Variants in PRKAR2A observed in about 807,000 individuals in gnomAD.
The protein encoded by PRKAR2A is protein kinase cAMP-dependent type II regulatory subunit alpha, also known as cAMP-dependent protein kinase type II-alpha regulatory subunit.
In PRKAR2A, 29 loss-of-function variants were observed where a neutral mutation model predicts 51.9. The ratio of observed to expected loss-of-function variants is 0.56; its 90% CI spans 0.42 to 0.76. The LOEUF is 0.76. PRKAR2A is among the 30% of genes least tolerant of loss of function. The probability of loss-of-function intolerance (pLI) is 0.00; values close to 1 mark genes in which losing one functional copy is unlikely to be tolerated. For synonymous variants in PRKAR2A, 178 were observed against 186.2 expected (o/e 0.96, Z 0.36); for missense variants, 445 against 512.1 (o/e 0.87, Z 1.26).
chr3:48,839,534 T>G (rs1575960194), intron 1 of PRKAR2A, among the ~76,000 whole-genome samples: 1 of 152,282 alleles, frequency 6.6e-6, no homozygotes, highest in South Asian at 2.1e-4. Flanking sequence ...GTTTATACTC[T>G]TCAGGCATCT....
chr3:48,782,252 T>C (rs539877666), intron 5 of PRKAR2A, among the ~76,000 whole-genome samples: 16 of 152,238 alleles, frequency 1.1e-4, no homozygotes, highest in African/African-American at 3.9e-4. Context: ...TCCTAATACT[T>C]AGATCTGAGC....
Position 48,772,990 on chromosome 3 carries a change from T to C in PRKAR2A, c.661A>G (p.Ile221Val). ...AGGGAGCCTTCTGAGGTAGCAACAA[T>C]GGTAGCAGCTCTCGGGGTGTTGTAC... ...LMYNTPRAAT[I>V]VATSEGSLWG... The change falls in exon 6 of 11, where the codon ATT (isoleucine) becomes GTT (valine). Residue 221 changes from isoleucine to valine, a missense_variant. Transcript: ENST00000265563. 7 of 1,613,620 alleles carry C rather than the reference T, an allele frequency of 4.3e-6. No homozygotes were observed. The highest frequency in any genetic ancestry group is 5.9e-6 in the Non-Finnish European group (7 of 1,179,730).
intron 3 of PRKAR2A, among the ~76,000 whole-genome samples, chr3:48,793,726 A>C (rs1358314830): frequency 6.6e-6 from 1 of 151,948 alleles, no homozygotes; most frequent in Non-Finnish European, 1.5e-5. Context: ...TCCTGGCCTC[A>C]AGCAATCCTC....
chr3:48,754,116 G>A (rs1477558749), intron 9 of PRKAR2A, among the ~76,000 whole-genome samples: 1 of 151,774 alleles, frequency 6.6e-6, no homozygotes, highest in Non-Finnish European at 1.5e-5. Flanking sequence ...TAGCCAGGAT[G>A]GTCTCGATCT....
chr3:48,791,453 G>A, intron 3 of PRKAR2A, among the ~76,000 whole-genome samples: 1 of 151,282 alleles, frequency 6.6e-6, no homozygotes, highest in East Asian at 1.9e-4. Context: ...AATTAGCTGG[G>A]CATGGTGGCG....
chr3:48,829,864 T>TATA (rs2083155109), intron 1 of PRKAR2A, among the ~76,000 whole-genome samples: 2 of 81,934 alleles, frequency 2.4e-5, no homozygotes, highest in Admixed American at 1.5e-4. Flanking sequence ...TATATATATA[T>TATA]ATATATATTT....
At chr3:48,763,444 C>T (rs2081892151) in intron 8 of PRKAR2A, among the ~76,000 whole-genome samples, 1 of 152,148 alleles carries the variant, frequency 6.6e-6, no homozygotes, top group Non-Finnish European at 1.5e-5. Flanking sequence ...TCCTGACATA[C>T]TTCCTGAAAA....
intron 1 of PRKAR2A, among the ~76,000 whole-genome samples, chr3:48,814,100 T>C (rs1483708991): frequency 6.6e-6 from 1 of 151,910 alleles, no homozygotes; most frequent in Non-Finnish European, 1.5e-5. Context: ...ATACAAATAT[T>C]AGCTAGGCGT....
intron 5 of PRKAR2A, among the ~76,000 whole-genome samples, chr3:48,780,593 ACTCCGT>A (rs2082178448): frequency 7.2e-6 from 1 of 139,576 alleles, no homozygotes; most frequent in Non-Finnish European, 1.5e-5. Context: ...ACAGAGCAAG[ACTCCGT>A]CTCAAAAAAA....
chr3:48,801,043 G>A (rs926791076), intron 2 of PRKAR2A, among the ~76,000 whole-genome samples: 6 of 152,212 alleles, frequency 3.9e-5, no homozygotes, highest in Admixed American at 6.5e-5. Flanking sequence ...ATGCAGTGGC[G>A]CAATCTTGGC....
chr3:48,753,636 T>C lies in PRKAR2A; in HGVS notation c.940-1319A>G, dbSNP rs2081701089. On this transcript the variant is annotated intron_variant, in intron 9 of 10. Coordinates refer to ENST00000265563, the MANE Select transcript of PRKAR2A (RefSeq NM_004157.4). ...CTAAAACAGAAGGGACTTATCACAC[T>C]GTCACATACACACCAGCTCCCGTAT... Among the ~76,000 whole-genome samples the C allele has an allele frequency of 1.3e-5, 2 of 152,166 alleles. 1 individual carries two copies. The highest frequency in any genetic ancestry group is 4.1e-4 in the South Asian group (2 of 4,832).
At chr3:48,801,683 C>T (rs944290104) in intron 2 of PRKAR2A, among the ~76,000 whole-genome samples, 5 of 151,958 alleles carry the variant, frequency 3.3e-5, no homozygotes, top group East Asian at 1.9e-4. Context: ...CTGCCACCTT[C>T]GTCTCCTGGG....
At chr3:48,829,657 CGT>C (rs1491528733) in intron 1 of PRKAR2A, among the ~76,000 whole-genome samples, 2 of 135,770 alleles carry the variant, frequency 1.5e-5, no homozygotes, top group Non-Finnish European at 3.2e-5. Flanking sequence ...TGTGTGTATA[CGT>C]GTGTATACAC....
Position 48,752,336 on chromosome 3 carries a change from A to G in PRKAR2A, c.940-19T>C, listed in dbSNP as rs2081663389. On this transcript the variant is annotated intron_variant, in intron 9 of 10. Coordinates refer to ENST00000265563, the MANE Select transcript of PRKAR2A (RefSeq NM_004157.4). ...ATTTAGTCTACAGCAGGCAAAGAAC[A>G]TGACCTAGGCTGACTCCAGGATCAC... The G allele has an allele frequency of 6.2e-7, 1 of 1,611,930 alleles. No individual in the cohort carries two copies. The highest frequency in any genetic ancestry group is 8.5e-7 in the Non-Finnish European group (1 of 1,179,020).
At chr3:48,760,205 A>T (rs1205617234) in intron 8 of PRKAR2A, among the ~76,000 whole-genome samples, 1 of 152,106 alleles carries the variant, frequency 6.6e-6, no homozygotes, top group Non-Finnish European at 1.5e-5. Flanking sequence ...AAATAAAAAA[A>T]AATTAGCCGG....
At position 48,847,851 on chromosome 3, in the gene PRKAR2A, G is replaced by A. The variant is rs956466826; in HGVS notation, c.-255C>T. ...GGACCGACGGGCAGGCGAGCTGGAC[G>A]GGCGGGGCAGGCGTCCTGGTTGTGA... On this transcript the variant is annotated 5_prime_UTR_variant, in exon 1 of 11. Coordinates refer to ENST00000265563, the MANE Select transcript of PRKAR2A (RefSeq NM_004157.4). This position sits in a 1 kb window ranked among gnomAD's most constrained non-coding sequence, Gnocchi z 4.4. 2.5e-4 allele frequency: 87 copies of A among 343,344 alleles called. No homozygotes were observed. The highest frequency in any genetic ancestry group is 3.3e-4 in the Non-Finnish European group (63 of 192,702). 21.3% of individuals were successfully genotyped at this position (343,344 alleles called of 1,614,324 possible).
chr3:48,761,885 A>G (rs565878044), intron 8 of PRKAR2A, among the ~76,000 whole-genome samples: 25 of 152,300 alleles, frequency 1.6e-4, no homozygotes, highest in African/African-American at 5.5e-4. Context: ...AGCCTCCCAG[A>G]GTGCTGGGAT....
At chr3:48,794,076 A>T in intron 2 of PRKAR2A, 27 bp from the exon 3 acceptor site, 1 of 1,548,174 alleles carries the variant, frequency 6.5e-7, no homozygotes, top group Non-Finnish European at 8.9e-7. Flanking sequence ...AAAAACAAAA[A>T]GAATGAATTT....
chr3:48,773,337 T>TCC, intron 5 of PRKAR2A, among the ~76,000 whole-genome samples: 1 of 138,816 alleles, frequency 7.2e-6, no homozygotes, highest in Non-Finnish European at 1.5e-5. Context: ...GAATTTTCTT[T>TCC]TCTTTTTTTT....
Sources: gnomAD v4.1 joint callset for allele counts (sites outside exome capture counted in the v4.1 genomes callset) on GRCh38, gnomAD v4.1.1 for gene constraint, Gnocchi (gnomAD v3.1) non-coding constraint, MANE v1.5 for transcripts, NCBI Gene and HGNC (gene_info 2026-07-23, HGNC 2026-07-21) for gene names.